TTC28: variants seen among roughly 807,000 people sequenced by gnomAD.
TTC28 encodes tetratricopeptide repeat protein 28.
Under a neutral mutation model 198.0 loss-of-function variants are expected in TTC28, and 61 were observed. The ratio of observed to expected loss-of-function variants is 0.31; its 90% CI spans 0.25 to 0.38. The LOEUF is 0.38. TTC28 is among the 10% of genes least tolerant of loss of function. TTC28 has a pLI of 1.00. For missense variants in TTC28, 2,678 were observed against 3,164.0 expected (o/e 0.85, Z 3.69); for synonymous variants, 1,171 against 1,297.8 (o/e 0.90, Z 2.10).
At chr22:28,374,285 C>A (rs1276846398) in intron 2 of TTC28, among the ~76,000 whole-genome samples, 4 of 152,200 alleles carry the variant, frequency 2.6e-5, no homozygotes, top group Non-Finnish European at 5.9e-5. Flanking sequence ...ACTCAATAAT[C>A]ACCCTCAATT....
chr22:27,993,393 G>GT lies in TTC28; in HGVS notation c.5369_5370insA (p.Phe1790LeufsTer65). On this transcript the variant is annotated frameshift_variant, in exon 18 of 23. Coordinates refer to ENST00000397906, the MANE Select transcript of TTC28 (RefSeq NM_001145418.2). LOFTEE classifies it high-confidence loss of function. ...GGCCACTGGTTGGGGGGTCCAGCCG[G>GT]AAGCCCACAGCGGTGAGGAGGGCCT... 1 of 1,551,324 alleles carries GT rather than the reference G, an allele frequency of 6.4e-7. No homozygotes were observed. The highest frequency in any genetic ancestry group is 8.7e-7 in the Non-Finnish European group (1 of 1,146,996).
At chr22:28,169,015 C>T (rs1423393752) in intron 5 of TTC28, among the ~76,000 whole-genome samples, 6 of 152,244 alleles carry the variant, frequency 3.9e-5, no homozygotes, top group South Asian at 2.1e-4. Flanking sequence ...GGGCGAAGGA[C>T]ATGAACAGAC....
intron 6 of TTC28, among the ~76,000 whole-genome samples, chr22:28,137,316 C>T (rs997917422): frequency 2.0e-5 from 3 of 152,150 alleles, no homozygotes; most frequent in Non-Finnish European, 2.9e-5. Flanking sequence ...AACTTCTATA[C>T]TGATTCACAG....
intron 5 of TTC28, among the ~76,000 whole-genome samples, chr22:28,284,192 A>G (rs1486686812): frequency 6.6e-6 from 1 of 152,198 alleles, no homozygotes; most frequent in Non-Finnish European, 1.5e-5. Context: ...CCTTGTACAT[A>G]GTAAGCACAA....
At chr22:28,635,810 C>G (rs1361660402) in intron 1 of TTC28, among the ~76,000 whole-genome samples, 1 of 152,016 alleles carries the variant, frequency 6.6e-6, no homozygotes, top group African/African-American at 2.4e-5. Context: ...TTTGTGTGTA[C>G]ATGGTGAAAA....
At chr22:28,575,652 C>T (rs112228328) in intron 2 of TTC28, among the ~76,000 whole-genome samples, 2,940 of 152,182 alleles carry the variant, frequency 0.019, 29 homozygotes, top group Non-Finnish European at 0.026. Flanking sequence ...CATGGAATAT[C>T]ATTCCAATTT....
chr22:28,067,968 T>C (rs963846992), intron 12 of TTC28, among the ~76,000 whole-genome samples: 1 of 152,212 alleles, frequency 6.6e-6, no homozygotes, highest in Non-Finnish European at 1.5e-5. Context: ...AGTTTATTCA[T>C]ATACTATTAA....
rs530136539 is a variant in TTC28 at position 28,005,477 on chromosome 22, G to T, written c.4219-3924C>A. Reference sequence around the variant, plus strand: ...CTTGTCACTATCCGCTCCAAGATAGGCTGCATTCCTTTGGCTGTTTCTCCC... The same window carrying T: ...CTTGTCACTATCCGCTCCAAGATAGTCTGCATTCCTTTGGCTGTTTCTCCC... On this transcript the variant is annotated intron_variant, in intron 14 of 22. Coordinates refer to ENST00000397906, the MANE Select transcript of TTC28 (RefSeq NM_001145418.2). This position sits in a 1 kb window ranked among gnomAD's most constrained non-coding sequence, Gnocchi z 4.9. Among the ~76,000 whole-genome samples, 1 of 152,276 alleles carries T rather than the reference G, an allele frequency of 6.6e-6. No homozygotes were observed. The highest frequency in any genetic ancestry group is 1.9e-4 in the East Asian group (1 of 5,168).
intron 6 of TTC28, among the ~76,000 whole-genome samples, chr22:28,119,521 C>T (rs1942728845): frequency 6.6e-6 from 1 of 152,198 alleles, no homozygotes; most frequent in African/African-American, 2.4e-5. Context: ...GGGATGGAAC[C>T]CATTTCCTTA....
chr22:28,071,064 T>A (rs1940948213), intron 12 of TTC28, among the ~76,000 whole-genome samples: 2 of 151,876 alleles, frequency 1.3e-5, no homozygotes, highest in African/African-American at 4.8e-5. Flanking sequence ...GAATGAGTGC[T>A]GGACATCTGG....
At chr22:28,164,208 A>C (rs1275750019) in intron 5 of TTC28, among the ~76,000 whole-genome samples, 1 of 152,164 alleles carries the variant, frequency 6.6e-6, no homozygotes, top group Non-Finnish European at 1.5e-5. Context: ...TGTAGACTCC[A>C]CCTCTGGGAG....
chr22:28,477,086 A>T (rs1428746940), intron 2 of TTC28, among the ~76,000 whole-genome samples: 2 of 152,196 alleles, frequency 1.3e-5, no homozygotes, highest in Non-Finnish European at 2.9e-5. Flanking sequence ...TTGTAGCTGT[A>T]CAACTCCCCA....
At position 28,105,102 on chromosome 22, in the gene TTC28, G is replaced by A. The variant is rs114818445; in HGVS notation, c.3307+177C>T. 9.7e-4 allele frequency among the ~76,000 whole-genome samples: 148 copies of A among 152,180 alleles called. 1 individual carries two copies. The highest frequency in any genetic ancestry group is 3.3e-3 in the African/African-American group (139 of 41,522). ...AATGAAACACCTTAGTACTATCAAC[G>A]GACACCTGGTGGGGACACCGTGATT... On this transcript the variant is annotated intron_variant, in intron 8 of 22. Coordinates refer to ENST00000397906, the MANE Select transcript of TTC28 (RefSeq NM_001145418.2).
At chr22:28,597,315 C>T (rs2050557861) in intron 2 of TTC28, among the ~76,000 whole-genome samples, 1 of 152,186 alleles carries the variant, frequency 6.6e-6, no homozygotes, top group African/African-American at 2.4e-5. Context: ...TGAAACTCTA[C>T]ACTCACTGAA....
chr22:28,577,820 CT>C (rs1214534687), intron 2 of TTC28, among the ~76,000 whole-genome samples: 1 of 151,882 alleles, frequency 6.6e-6, no homozygotes, highest in Non-Finnish European at 1.5e-5. Context: ...CATGGAGTAT[CT>C]TTTTCCATCC....
At chr22:28,044,865 C>T (rs928117097) in intron 12 of TTC28, among the ~76,000 whole-genome samples, 2 of 152,088 alleles carry the variant, frequency 1.3e-5, no homozygotes, top group East Asian at 3.9e-4. Flanking sequence ...TACAGGTTTT[C>T]CCCTAGCTTT....
chr22:27,986,839 A>C (rs1219736088), intron 21 of TTC28, among the ~76,000 whole-genome samples: 1 of 152,202 alleles, frequency 6.6e-6, no homozygotes, highest in Non-Finnish European at 1.5e-5. Context: ...CTGAATTTGA[A>C]AGTAAACAGC....
At chr22:28,550,179 T>G (rs1258191674) in intron 2 of TTC28, among the ~76,000 whole-genome samples, 1 of 152,192 alleles carries the variant, frequency 6.6e-6, no homozygotes, top group Non-Finnish European at 1.5e-5. Flanking sequence ...ATGGTATTAT[T>G]GACATTTTGC....
chr22:28,455,187 T>C (rs988325787), intron 2 of TTC28, among the ~76,000 whole-genome samples: 1 of 152,184 alleles, frequency 6.6e-6, no homozygotes, highest in Non-Finnish European at 1.5e-5. Context: ...GTTCTGGGTA[T>C]AGAACACAGT....
Sources: gnomAD v4.1 joint callset for allele counts (sites outside exome capture counted in the v4.1 genomes callset) on GRCh38, gnomAD v4.1.1 for gene constraint, Gnocchi (gnomAD v3.1) non-coding constraint, MANE v1.5 for transcripts, NCBI Gene and HGNC (gene_info 2026-07-23, HGNC 2026-07-21) for gene names.